Variants in MTFMT observed in about 807,000 individuals in gnomAD.
The protein encoded by MTFMT is methionyl-tRNA formyltransferase, mitochondrial.
In MTFMT, 47 loss-of-function variants were observed where a neutral mutation model predicts 51.8. That is an observed-to-expected ratio of 0.91 (90% CI 0.72 to 1.16). The LOEUF (loss-of-function observed/expected upper bound fraction) is 1.16, where lower values mean the gene tolerates loss of function less well. Ranked by LOEUF, MTFMT falls within the 50% of genes most tolerant of loss-of-function variation. The pLI is 0.00. For synonymous variants in MTFMT, 196 were observed against 176.7 expected (o/e 1.11, Z -0.87); for missense variants, 512 against 482.3 (o/e 1.06, Z -0.58).
At chr15:65,027,445 C>T (rs61385438) in intron 1 of MTFMT, among the ~76,000 whole-genome samples, 9,890 of 152,062 alleles carry the variant, frequency 0.065, 623 homozygotes, top group African/African-American at 0.17. Context: ...GTGATCCGTC[C>T]GCCTCCACCT....
chr15:65,018,716 G>A (rs982311714), intron 5 of MTFMT, among the ~76,000 whole-genome samples: 5 of 152,166 alleles, frequency 3.3e-5, no homozygotes, highest in Non-Finnish European at 1.5e-5. Flanking sequence ...AGTGAAGAGT[G>A]TTAACAGAAT....
chr15:65,025,528 G>C (rs1418649771), intron 2 of MTFMT, among the ~76,000 whole-genome samples: 1 of 152,224 alleles, frequency 6.6e-6, no homozygotes, highest in African/African-American at 2.4e-5. Context: ...GTAGGCGAGA[G>C]TGGCAGCAGC....
rs753581763 is a variant in MTFMT, at chr15:65,016,437, A to G, written c.812T>C (p.Ile271Thr). The G allele has an allele frequency of 4.4e-6, 7 of 1,595,590 alleles. No individual in the cohort carries two copies. The highest frequency in any genetic ancestry group is 4.0e-5 in the African/African-American group (3 of 74,606). ...IFRLYRAIGN[I>T]IPLQTLWMAN... ...CTGCAACCTGACTTCCCAACTTACT[A>G]TATTTCCAATGGCACGGTAAAGTCT... Residue 271 changes from isoleucine (I) to threonine (T), a missense_variant and splice_region_variant, in exon 6 of 9, where the codon ATA becomes ACA. Transcript: ENST00000220058.
chr15:65,015,012 G>A, intron 6 of MTFMT, among the ~76,000 whole-genome samples: 1 of 146,300 alleles, frequency 6.8e-6, no homozygotes, highest in Non-Finnish European at 1.5e-5. Flanking sequence ...TACACTGCTT[G>A]ACACATAATA....
chr15:65,003,428 A>C (rs927451789), intron 8 of MTFMT, among the ~76,000 whole-genome samples, 172 bp from the exon 9 acceptor site: 1 of 152,194 alleles, frequency 6.6e-6, no homozygotes, highest in African/African-American at 2.4e-5. Context: ...CCTTGACTCT[A>C]TTAGGTTGGT....
intron 8 of MTFMT, among the ~76,000 whole-genome samples, chr15:65,004,120 G>A (rs557955572): frequency 3.3e-4 from 50 of 151,874 alleles, no homozygotes; most frequent in Non-Finnish European, 6.0e-4. Context: ...GGGCTCAAGC[G>A]ATTCTCCTGC....
At chr15:65,023,923 A>C in intron 2 of MTFMT, 129 bp from the exon 3 acceptor site, 1 of 760,110 alleles carries the variant, frequency 1.3e-6, no homozygotes, top group Non-Finnish European at 2.0e-6. Flanking sequence ...AGTTAAATCT[A>C]AGTCTCGTAT....
chr15:65,004,474 A>AAG (rs1211810499), intron 8 of MTFMT, among the ~76,000 whole-genome samples: 3 of 152,202 alleles, frequency 2.0e-5, no homozygotes, highest in Non-Finnish European at 4.4e-5. Flanking sequence ...TCTCCTCTTT[A>AAG]CTACTGTTAA....
chr15:65,027,687 A>G (rs955936358), intron 1 of MTFMT, among the ~76,000 whole-genome samples: 3 of 152,106 alleles, frequency 2.0e-5, no homozygotes, highest in Non-Finnish European at 4.4e-5. Flanking sequence ...ACAATGCTAT[A>G]TATGCTATTA....
chr15:65,005,118 G>C (rs1449970391), intron 7 of MTFMT, among the ~76,000 whole-genome samples, 182 bp from the exon 8 acceptor site: 1 of 152,176 alleles, frequency 6.6e-6, no homozygotes, highest in East Asian at 1.9e-4. Context: ...CTGTACATCA[G>C]AAACCCAAAG....
chr15:65,025,137 G>A (rs1030336543), intron 2 of MTFMT, among the ~76,000 whole-genome samples: 2 of 150,202 alleles, frequency 1.3e-5, no homozygotes, highest in Admixed American at 6.7e-5. Context: ...GCTCATGCCT[G>A]TAATCCCAAA....
In MTFMT at chr15:65,020,251, A is replaced by T. The variant is rs188461284; in HGVS notation, c.667T>A (p.Leu223Met). 3.3e-3 allele frequency: 5,337 copies of T among 1,612,256 alleles called. 25 individuals are homozygous for T. Among genetic ancestry groups the T allele is most frequent in the Non-Finnish European group, 2.9e-3 (3,460 of 1,179,516 alleles). The change falls in exon 5 of 9, where the codon TTG becomes ATG. Residue 223 changes from leucine (L) to methionine (M), a missense_variant. Leu to Met is a conservative substitution (Grantham distance 15). Transcript: ENST00000220058. ...CTTCCATTGCTCAGACTTTCAGGCA[A>T]ATTTTTCAAAACTGAAATGAGCTAC... ...ANMLISVLKNLPESLSNGRQQ... is the reference protein window; with the variant it reads ...ANMLISVLKNMPESLSNGRQQ...
At chr15:65,015,234 T>A (rs1330600611) in intron 6 of MTFMT, among the ~76,000 whole-genome samples, 2 of 152,152 alleles carry the variant, frequency 1.3e-5, no homozygotes, top group Non-Finnish European at 2.9e-5. Context: ...AACCCAGCAC[T>A]GTCTGGCCCT....
chr15:65,023,847 A>T, intron 2 of MTFMT, 53 bp from the exon 3 acceptor site: 1 of 1,498,708 alleles, frequency 6.7e-7, no homozygotes, highest in Non-Finnish European at 9.0e-7. Context: ...CCACTTCGTT[A>T]CCACTACCTA....
At chr15:65,004,468 CTCTTT>C (rs1319867137) in intron 8 of MTFMT, among the ~76,000 whole-genome samples, 3 of 152,150 alleles carry the variant, frequency 2.0e-5, no homozygotes, top group Non-Finnish European at 4.4e-5. Flanking sequence ...CAGAAATCTC[CTCTTT>C]ACTACTGTTA....
intron 6 of MTFMT, 182 bp downstream of exon 6, chr15:65,016,254 C>T: frequency 2.1e-6 from 1 of 478,552 alleles, no homozygotes; most frequent in Non-Finnish European, 3.8e-6. Context: ...TCTATAAACA[C>T]TTTAAACAGC....
intron 8 of MTFMT, 34 bp from the exon 9 acceptor site, chr15:65,003,290 G>T: frequency 1.3e-6 from 2 of 1,549,634 alleles, no homozygotes; most frequent in Non-Finnish European, 1.8e-6. Context: ...GAATAGGCAG[G>T]GGTGGCAAAA....
At chr15:65,003,755 C>T (rs550082950) in intron 8 of MTFMT, among the ~76,000 whole-genome samples, 4 of 138,208 alleles carry the variant, frequency 2.9e-5, no homozygotes, top group South Asian at 2.3e-4. Flanking sequence ...ACTTGGAAGA[C>T]GGAGGCAGGA....
chr15:65,007,201 T>A (rs780170201), intron 6 of MTFMT, among the ~76,000 whole-genome samples: 14 of 152,212 alleles, frequency 9.2e-5, no homozygotes, highest in Non-Finnish European at 1.5e-4. Context: ...CCCTCTTTTT[T>A]TGCTGAGAGC....
Sources: gnomAD v4.1 joint callset for allele counts (sites outside exome capture counted in the v4.1 genomes callset) on GRCh38, gnomAD v4.1.1 for gene constraint, MANE v1.5 for transcripts, NCBI Gene and HGNC (gene_info 2026-07-23, HGNC 2026-07-21) for gene names.